ZNF221: variants seen among roughly 807,000 people sequenced by gnomAD.
ZNF221 encodes the protein zinc finger protein 221.
Under a neutral mutation model 12.6 loss-of-function variants are expected in ZNF221, and 10 were observed. The observed-to-expected ratio is 0.79, with a 90% CI of 0.49 to 1.34. ZNF221 has a LOEUF of 1.34. Among genes scored for constraint, ZNF221 ranks in the 40% most tolerant of loss-of-function variants. ZNF221 has a pLI of 0.00. For synonymous variants in ZNF221, 232 were observed against 244.0 expected (o/e 0.95, Z 0.46); for missense variants, 661 against 721.4 (o/e 0.92, Z 0.96).
chr19:43,968,073 T>C (rs1377820258), downstream of ZNF221: 1 of 152,390 alleles, frequency 6.6e-6, no homozygotes, highest in African/African-American at 2.4e-5. Context: ...CATTAAAAAT[T>C]TGATACATGT....
At chr19:43,953,257 C>CT (rs60450738) in intron 1 of ZNF221, among the ~76,000 whole-genome samples, 2,480 of 142,218 alleles carry the variant, frequency 0.017, 24 homozygotes, top group Non-Finnish European at 0.026. Context: ...AGTCATTAAG[C>CT]TTTTTTTTTT....
Position 43,967,105 on chromosome 19 carries a change from A to G in ZNF221, c.1603A>G (p.Lys535Glu), listed in dbSNP as rs1352620537. The G allele has an allele frequency of 4.4e-6, 7 of 1,595,612 alleles. No homozygotes were observed. The African/African-American group carries it at 8.0e-5, about 18-fold the overall frequency. The change falls in exon 5 of 5, where the codon AAA becomes GAA. Residue 535 changes from lysine to glutamate, a missense_variant. Lys to Glu is a moderately conservative substitution (Grantham distance 56). Transcript: ENST00000587682. ...ATGCCATACTGGAGAAAAGCTATAC[A>G]AATGTGAGCAGTGTGAGAAGGGGTA... is the stretch of plus-strand genomic sequence containing the variant. ...QTCHTGEKLY[K>E]CEQCEKGYNS... is the part of the protein sequence containing the mutation.
At position 43,967,609 on chromosome 19, in the gene ZNF221, G is replaced by C. The variant is rs1975006489; in HGVS notation, c.*253G>C. ...TTCTCCTGCCTCAGCCTCCCGAGTAGCTGGGACTACAGGTGCCCGCCACCA... is the reference window on the plus strand; with the variant it reads ...TTCTCCTGCCTCAGCCTCCCGAGTACCTGGGACTACAGGTGCCCGCCACCA... On this transcript the variant is annotated 3_prime_UTR_variant, in exon 5 of 5. Transcript: ENST00000587682. 1 of 393,848 alleles carries C rather than the reference G, an allele frequency of 2.5e-6. No homozygotes were observed. Among genetic ancestry groups the C allele is most frequent in the East Asian group, 4.2e-5 (1 of 23,886 alleles). 24.4% of individuals were successfully genotyped at this position (393,848 alleles called of 1,614,324 possible).
downstream of ZNF221, among the ~76,000 whole-genome samples, chr19:43,970,400 A>G (rs1183545725): frequency 6.6e-6 from 1 of 152,212 alleles, no homozygotes; most frequent in Non-Finnish European, 1.5e-5. Context: ...AAGGGTACAG[A>G]ACTGGGCTGA....
At chr19:43,953,554 G>A (rs1974708861) in intron 1 of ZNF221, among the ~76,000 whole-genome samples, 1 of 152,270 alleles carries the variant, frequency 6.6e-6, no homozygotes, top group East Asian at 1.9e-4. Flanking sequence ...GAGTGGGGCT[G>A]AAAGTCCCAT....
the ZNF221 span, among the ~76,000 whole-genome samples, chr19:43,980,766 G>A: frequency 6.6e-6 from 1 of 152,126 alleles, no homozygotes; most frequent in Non-Finnish European, 1.5e-5. Context: ...GTGGACCACT[G>A]GGGCTATTGT....
chr19:43,965,759 A>C, intron 4 of ZNF221, 45 bp from the exon 5 acceptor site: 1 of 1,484,662 alleles, frequency 6.7e-7, no homozygotes, highest in Non-Finnish European at 9.1e-7. Flanking sequence ...AAAACATTGA[A>C]TAGGGCTTCA....
In ZNF221 at chr19:43,966,968, G is replaced by A; in HGVS notation, c.1466G>A (p.Trp489Ter). ...AAGGAATGTGGCAAGAGCTTTGGCT[G>A]GGCCTCCTGTCTTTTGAAACATCAG... ...NCKECGKSFGWASCLLKHQRL... is the reference protein window; with the variant it reads ...NCKECGKSFG Residue 489 changes from tryptophan (W) to a stop codon, truncating the protein, a stop_gained, in exon 5 of 5, where the codon TGG becomes TAG. Transcript: ENST00000587682. LOFTEE classifies it low-confidence loss of function (END_TRUNC). 6.2e-7 allele frequency: 1 copy of A among 1,614,122 alleles called. No homozygotes were observed. The highest frequency in any genetic ancestry group is 1.1e-5 in the South Asian group (1 of 91,076).
intron 1 of ZNF221, among the ~76,000 whole-genome samples, chr19:43,957,953 G>T (rs145134209): frequency 6.6e-6 from 1 of 152,320 alleles, no homozygotes; most frequent in African/African-American, 2.4e-5. Context: ...TTGGGCAGGG[G>T]CTTATAAATG....
downstream of ZNF221, chr19:43,967,757 C>T (rs1975010895): frequency 1.2e-5 from 2 of 172,066 alleles, no homozygotes; most frequent in Admixed American, 1.1e-4. Context: ...GGATTACAGG[C>T]GTGAGCCACT....
chr19:43,975,405 A>G, the ZNF221 span, among the ~76,000 whole-genome samples: 6 of 152,348 alleles, frequency 3.9e-5, no homozygotes, highest in African/African-American at 1.4e-4. Flanking sequence ...GGATGGAGCT[A>G]GAAGCCGTTA....
At chr19:43,977,932 A>G in the ZNF221 span, among the ~76,000 whole-genome samples, 39 of 152,220 alleles carry the variant, frequency 2.6e-4, no homozygotes, top group Non-Finnish European at 2.4e-4. Context: ...TACAGTGACA[A>G]GATACAAAAC....
At position 43,967,302 on chromosome 19, in the gene ZNF221, A is replaced by C; in HGVS notation, c.1800A>C (p.Ser600=). 6.2e-7 allele frequency: 1 copy of C among 1,613,574 alleles called. No homozygotes were observed. Among genetic ancestry groups the C allele is most frequent in the Non-Finnish European group, 8.5e-7 (1 of 1,179,844 alleles). The change falls in exon 5 of 5, where the codon TCA becomes TCC. Residue 600 remains serine (S), a synonymous_variant. Coordinates refer to ENST00000587682, the MANE Select transcript of ZNF221 (RefSeq NM_001297588.2). ...LKSGVWEEIY[S]EFTASFTSVS... ...CTGGAGTGTGGGAAGAGATCTACTC[A>C]GAATTCACAGCTTCATTTACATCAG...
chr19:43,963,329 C>A (rs112590975), intron 2 of ZNF221, among the ~76,000 whole-genome samples: 13,160 of 152,112 alleles, frequency 0.087, 603 homozygotes, highest in Middle Eastern at 0.19. Context: ...CCCTTCCCCC[C>A]AAAATTAATT....
intron 2 of ZNF221, among the ~76,000 whole-genome samples, chr19:43,963,963 T>G (rs964505740): frequency 3.3e-5 from 5 of 152,190 alleles, no homozygotes; most frequent in African/African-American, 1.2e-4. Context: ...TAATCACAAT[T>G]TTAAATGTGT....
At position 43,966,511 on chromosome 19, in the gene ZNF221, C is replaced by T. The variant is rs435590; in HGVS notation, c.1009C>T (p.Pro337Ser). 1 of 1,613,986 alleles carries T rather than the reference C, an allele frequency of 6.2e-7. No individual in the cohort carries two copies. The highest frequency in any genetic ancestry group is 1.3e-5 in the African/African-American group (1 of 74,884). The change falls in exon 5 of 5, where the codon CCA (proline) becomes TCA (serine). Residue 337 changes from proline to serine, a missense_variant. Physicochemically the swap from Pro to Ser is moderately conservative, Grantham distance 74. Coordinates refer to ENST00000587682, the MANE Select transcript of ZNF221 (RefSeq NM_001297588.2). Reference sequence around the variant, plus strand: ...TTCCATGGTTCACACAGGAGAAAAACCATTCAGATGTGATACATGTGGCAA... The same window carrying T: ...TTCCATGGTTCACACAGGAGAAAAATCATTCAGATGTGATACATGTGGCAA... ...RHSMVHTGEKPFRCDTCGKNF... is the reference protein window; with the variant it reads ...RHSMVHTGEKSFRCDTCGKNF...
chr19:43,969,436 C>A (rs1352571076), downstream of ZNF221, among the ~76,000 whole-genome samples: 1 of 137,594 alleles, frequency 7.3e-6, no homozygotes, highest in African/African-American at 2.7e-5. Context: ...GCAACCTCCA[C>A]CTCTTGGGTT....
At chr19:43,952,298 C>T (rs1020541352) in intron 1 of ZNF221, among the ~76,000 whole-genome samples, 2 of 152,126 alleles carry the variant, frequency 1.3e-5, no homozygotes, top group African/African-American at 2.4e-5. Flanking sequence ...GTTTCCGCAT[C>T]CTGACTTCTC....
At position 43,966,560 on chromosome 19, in the gene ZNF221, T is replaced by G. The variant is rs753435533; in HGVS notation, c.1058T>G (p.Leu353Arg). The change falls in exon 5 of 5, where the codon CTT becomes CGT. Residue 353 changes from leucine (L) to arginine (R), a missense_variant. Coordinates refer to ENST00000587682, the MANE Select transcript of ZNF221 (RefSeq NM_001297588.2). ...AAGAACTTTCGTCAGAGATCAGCAC[T>G]TAATAGTCATTCCATGGTCCACATA... ...CGKNFRQRSA[L>R]NSHSMVHIEE... 6.2e-7 allele frequency: 1 copy of G among 1,614,166 alleles called. No homozygotes were observed.
Sources: gnomAD v4.1 joint callset for allele counts (sites outside exome capture counted in the v4.1 genomes callset) on GRCh38, gnomAD v4.1.1 for gene constraint, MANE v1.5 for transcripts, NCBI Gene and HGNC (gene_info 2026-07-23, HGNC 2026-07-21) for gene names.